The following KRT16 variants were observed in gnomAD, a reference collection of about 807,000 sequenced individuals.
KRT16 encodes keratin, type I cytoskeletal 16.
A neutral mutation model predicts 44.8 loss-of-function variants in KRT16; 42 were observed. The ratio of observed to expected loss-of-function variants is 0.94; its 90% CI spans 0.73 to 1.21. The LOEUF is 1.21. Ranked by LOEUF, KRT16 falls within the 50% of genes most tolerant of loss-of-function variation. The pLI is 0.00. For missense variants in KRT16, 561 were observed against 626.9 expected, an observed-to-expected ratio of 0.89 and a Z score of 1.12; for synonymous variants, 226 against 260.4, an observed-to-expected ratio of 0.87 and a Z score of 1.27.
At position 41,611,053 on chromosome 17, in the gene KRT16, C is replaced by A. The variant is rs759698213; in HGVS notation, c.933+16G>T. 4.3e-6 allele frequency: 7 copies of A among 1,613,906 alleles called. No homozygotes were observed. Among genetic ancestry groups the A allele is most frequent in the South Asian group, 2.2e-5 (2 of 91,084 alleles). ...GCTGGGAAGTGCTGCAGGCTCACTG[C>A]GGGCCCGAGCCCCACCTTGCTCAGG... On this transcript the variant is annotated intron_variant, in intron 4 of 7. Coordinates refer to ENST00000301653, the MANE Select transcript of KRT16 (RefSeq NM_005557.4).
Position 41,612,176 on chromosome 17 carries a change from G to A in KRT16, c.513C>T (p.Ile171=), listed in dbSNP as rs747001866. ...IKDYSPYFKT[I]EDLRNKIIAA... ...CACCCACCTTGTTCCTCAGGTCCTC[G>A]ATGGTCTTGAAGTAGGGACTGTAGT... is the stretch of plus-strand genomic sequence containing the variant. Residue 171 remains isoleucine, a synonymous_variant, in exon 1 of 8, where the codon ATC becomes ATT. Coordinates refer to ENST00000301653, the MANE Select transcript of KRT16 (RefSeq NM_005557.4). 106 of 1,612,228 alleles carry A rather than the reference G, an allele frequency of 6.6e-5. No homozygotes were observed. The highest frequency in any genetic ancestry group is 8.9e-5 in the East Asian group (4 of 44,876).
chr17:41,612,060 G>C (rs561164284), intron 1 of KRT16, 98 bp downstream of exon 1: 2 of 1,465,644 alleles, frequency 1.4e-6, no homozygotes, highest in African/African-American at 2.8e-5. Context: ...AAGGTGCCCA[G>C]TCTCCCTGTT....
intron 1 of KRT16, 102 bp from the exon 2 acceptor site, chr17:41,611,823 G>A (rs1908213622): frequency 8.7e-7 from 1 of 1,146,908 alleles, no homozygotes; most frequent in Non-Finnish European, 1.3e-6. Context: ...AAATCTGGAA[G>A]TCTTCTGGCT....
chr17:41,611,028 G>T (rs7350939), intron 4 of KRT16, 41 bp downstream of exon 4: 3 of 1,613,896 alleles, frequency 1.9e-6, no homozygotes, highest in African/African-American at 2.7e-5. Context: ...AAAGCCCCCA[G>T]CTGGGAAGTG....
At position 41,612,341 on chromosome 17, in the gene KRT16, A is replaced by T; in HGVS notation, c.348T>A (p.Ser116Arg). ...TGAGGTTCTGCATGGTCACCTTCTC[A>T]CTGCCCACCAGAAGCCCATCACCAC... ...FAGGDGLLVG[S>R]EKVTMQNLND... Residue 116 changes from serine to arginine, a missense_variant, in exon 1 of 8, where the codon AGT becomes AGA. Physicochemically the swap from Ser to Arg is moderately radical, Grantham distance 110. Coordinates refer to ENST00000301653, the MANE Select transcript of KRT16 (RefSeq NM_005557.4). 1.2e-6 allele frequency: 2 copies of T among 1,614,054 alleles called. No homozygotes were observed. The highest frequency in any genetic ancestry group is 8.5e-7 in the Non-Finnish European group (1 of 1,180,020).
rs140398655 is a variant in KRT16, at chr17:41,609,990, C to T, written c.1367G>A (p.Arg456Gln). The change falls in exon 8 of 8, where the codon CGG becomes CAG. Residue 456 changes from arginine to glutamine, a missense_variant. By Grantham distance (43) the Arg-to-Gln change is conservative. Coordinates refer to ENST00000301653, the MANE Select transcript of KRT16 (RefSeq NM_005557.4). The part of the protein sequence containing the change: ...SSSSSSSRQT[R>Q]PILKEQSSSS... ...TGAGCTCTGCTCCTTGAGGATGGGC[C>T]GGGTCTGACGGCTCGAAGAGGACGA... 39 of 1,611,694 alleles carry T rather than the reference C, an allele frequency of 2.4e-5. No individual in the cohort carries two copies. Among genetic ancestry groups the T allele is most frequent in the Non-Finnish European group, 3.0e-5 (35 of 1,179,810 alleles).
chr17:41,610,356 G>C lies in KRT16; in HGVS notation c.1255C>G (p.Arg419Gly). 1 of 1,612,708 alleles carries C rather than the reference G, an allele frequency of 6.2e-7. No homozygotes were observed. The highest frequency in any genetic ancestry group is 8.5e-7 in the Non-Finnish European group (1 of 1,179,862). Residue 419 changes from arginine to glycine, a missense_variant, in exon 6 of 8, where the codon CGC (arginine) becomes GGC (glycine). Transcript: ENST00000301653. ...RLEQEIATYR[R>G]LLEGEDAHLS... is the part of the protein sequence containing the mutation. ...TGGGCATCCTCGCCCTCCAGCAGGC[G>C]GCGGTAGGTGGCAATCTCCTGCTCC...
rs151282702 is a variant in KRT16 at position 41,612,383 on chromosome 17, A to G, written c.306T>C (p.Phe102=). Residue 102 remains phenylalanine, a synonymous_variant, in exon 1 of 8, where the codon TTT becomes TTC. Coordinates refer to ENST00000301653, the MANE Select transcript of KRT16 (RefSeq NM_005557.4). Reference sequence around the variant, plus strand: ...CATCACCACCAGCAAAACCACCACCAAAGCCAGCACCCAAGCCACCACCGA... The same window carrying G: ...CATCACCACCAGCAAAACCACCACCGAAGCCAGCACCCAAGCCACCACCGA... ...AGFGGGLGAG[F]GGGFAGGDGL... is the part of the protein sequence containing the mutation. 6.2e-7 allele frequency: 1 copy of G among 1,614,052 alleles called. No homozygotes were observed. Among genetic ancestry groups the G allele is most frequent in the Non-Finnish European group, 8.5e-7 (1 of 1,179,996 alleles).
At position 41,610,387 on chromosome 17, in the gene KRT16, C is replaced by A. The variant is rs775068482; in HGVS notation, c.1224G>T (p.Thr408=). 2.5e-6 allele frequency: 4 copies of A among 1,612,428 alleles called. No individual in the cohort carries two copies. The highest frequency in any genetic ancestry group is 3.4e-6 in the Non-Finnish European group (4 of 1,179,860). ...AGGTGGCAATCTCCTGCTCCAGCCG[C>A]GTCTTCACATCCAGCAAGATCTGGT... is the stretch of plus-strand genomic sequence containing the variant. ...QEYQILLDVK[T]RLEQEIATYR... is the part of the protein sequence containing the mutation. Residue 408 remains threonine, a synonymous_variant, in exon 6 of 8, where the codon ACG becomes ACT. Coordinates refer to ENST00000301653, the MANE Select transcript of KRT16 (RefSeq NM_005557.4).
rs201445979 is a variant in KRT16 at position 41,611,638 on chromosome 17, C to T, written c.614+1G>A. The T allele has an allele frequency of 3.1e-6, 5 of 1,611,368 alleles. No homozygotes were observed. Among genetic ancestry groups the T allele is most frequent in the Non-Finnish European group, 1.7e-6 (2 of 1,179,534 alleles). On this transcript the variant is annotated splice_donor_variant, in intron 2 of 7. Coordinates refer to ENST00000301653, the MANE Select transcript of KRT16 (RefSeq NM_005557.4). LOFTEE classifies it high-confidence loss of function. Reference sequence around the variant, plus strand: ...CCCAGCCCACCATGCTGGCTGCTCACTTGGTCCTGAAGTCATCGGCTGCCA... The same window carrying T: ...CCCAGCCCACCATGCTGGCTGCTCATTTGGTCCTGAAGTCATCGGCTGCCA...
chr17:41,611,324 G>A (rs369686494), intron 3 of KRT16, 21 bp downstream of exon 3: 60 of 1,613,970 alleles, frequency 3.7e-5, no homozygotes, highest in Middle Eastern at 3.3e-4. Flanking sequence ...CTCCCACCCC[G>A]GAAGCCAGCA....
chr17:41,612,761 G>C lies in KRT16; in HGVS notation c.-73C>G. 6.5e-7 allele frequency: 1 copy of C among 1,536,986 alleles called. No individual in the cohort carries two copies. The highest frequency in any genetic ancestry group is 8.7e-7 in the Non-Finnish European group (1 of 1,147,138). Reference sequence around the variant, plus strand: ...AAAGGTGCTCAGGAAGGCTGAGAGCGTGCTGTGGCTGCCTCCAACCCCAGA... The same window carrying C: ...AAAGGTGCTCAGGAAGGCTGAGAGCCTGCTGTGGCTGCCTCCAACCCCAGA... On this transcript the variant is annotated 5_prime_UTR_variant, in exon 1 of 8. Transcript: ENST00000301653.
rs73986331 is a variant in KRT16, at chr17:41,611,890, C to A, written c.532-169G>T. The A allele has an allele frequency of 4.1e-4, 323 of 782,990 alleles. 2 individuals are homozygous for A. The African/African-American group carries it at 5.3e-3, about 13-fold the overall frequency. 48.5% of individuals were successfully genotyped at this position (782,990 alleles called of 1,614,324 possible). On this transcript the variant is annotated intron_variant, in intron 1 of 7. Transcript: ENST00000301653. ...AGGCTACGTAGGGATGCACTCCATC[C>A]CGATCACCCCCTTCCTGGGCCCAAG...
intron 7 of KRT16, 36 bp from the exon 8 acceptor site, chr17:41,610,065 G>A: frequency 2.5e-6 from 4 of 1,581,988 alleles, no homozygotes; most frequent in Non-Finnish European, 3.5e-6. Flanking sequence ...GAAGGGGTCT[G>A]AGAGCTAAGC....
chr17:41,612,497 C>T lies in KRT16; in HGVS notation c.192G>A (p.Leu64=), dbSNP rs1289566641. 1.2e-6 allele frequency: 2 copies of T among 1,606,658 alleles called. No individual in the cohort carries two copies. The highest frequency in any genetic ancestry group is 1.3e-5 in the African/African-American group (1 of 74,710). ...TGAAGCCACCGCCATAGCCGCCCCCCAGCCCGCAGGCTCCCCCAGAGGAGA... is the reference window on the plus strand; with the variant it reads ...TGAAGCCACCGCCATAGCCGCCCCCTAGCCCGCAGGCTCCCCCAGAGGAGA... ...SRFSSGGACG[L]GGGYGGGFSS... is the part of the protein sequence containing the mutation. Residue 64 remains leucine, a synonymous_variant, in exon 1 of 8, where the codon CTG becomes CTA. Coordinates refer to ENST00000301653, the MANE Select transcript of KRT16 (RefSeq NM_005557.4).
chr17:41,610,683 G>A (rs1202310432), intron 5 of KRT16, 132 bp from the exon 6 acceptor site: 16 of 1,467,454 alleles, frequency 1.1e-5, no homozygotes, highest in African/African-American at 2.8e-5. Flanking sequence ...ACAATATGGA[G>A]AAAAGCTAGC....
Position 41,610,951 on chromosome 17 carries a change from G to A in KRT16, c.962C>T (p.Ser321Phe), listed in dbSNP as rs1406026352. Residue 321 changes from serine to phenylalanine, a missense_variant, in exon 5 of 8, where the codon TCC becomes TTC. Ser to Phe is a radical substitution (Grantham distance 155). Transcript: ENST00000301653. The part of the protein sequence containing the change: ...KTEELNKEVA[S>F]NSELVQSSRS... ...GCTGCTCTGTACCAGTTCGCTGTTG[G>A]AGGCCACTTCTTTGTTCAGCTCCTC... The A allele has an allele frequency of 1.9e-6, 3 of 1,614,172 alleles. No homozygotes were observed. Among genetic ancestry groups the A allele is most frequent in the East Asian group, 2.2e-5 (1 of 44,882 alleles).
At chr17:41,612,123 C>G (rs1318889945) in intron 1 of KRT16, 35 bp downstream of exon 1, 21 of 1,610,400 alleles carry the variant, frequency 1.3e-5, no homozygotes, top group Non-Finnish European at 1.6e-5. Flanking sequence ...GTAGCCCCAG[C>G]CTCTCTCAGT....
In KRT16 at chr17:41,611,473, T is replaced by C; in HGVS notation, c.643A>G (p.Thr215Ala). 1 of 1,614,004 alleles carries C rather than the reference T, an allele frequency of 6.2e-7. No homozygotes were observed. The highest frequency in any genetic ancestry group is 8.5e-7 in the Non-Finnish European group (1 of 1,180,022). ...AGGCCATTGACGTCGGCCTCCACAGTCTGCCGCAGGGCCAGTTCATGCTCA... is the reference window on the plus strand; with the variant it reads ...AGGCCATTGACGTCGGCCTCCACAGCCTGCCGCAGGGCCAGTTCATGCTCA... ...KYEHELALRQ[T>A]VEADVNGLRR... Residue 215 changes from threonine (T) to alanine (A), a missense_variant, in exon 3 of 8, where the codon ACT (threonine) becomes GCT (alanine). By Grantham distance (58) the Thr-to-Ala change is moderately conservative. Transcript: ENST00000301653.
Sources: gnomAD v4.1 joint callset for allele counts on GRCh38, gnomAD v4.1.1 for gene constraint, MANE v1.5 for transcripts, NCBI Gene and HGNC (gene_info 2026-07-23, HGNC 2026-07-21) for gene names.